Variants in TXNRD3 observed in about 807,000 individuals in gnomAD.
TXNRD3 encodes the protein TXNRD3 neighbor gene protein.
Under a neutral mutation model 78.2 loss-of-function variants are expected in TXNRD3, and 68 were observed. The ratio of observed to expected loss-of-function variants is 0.87; its 90% CI spans 0.72 to 1.06. TXNRD3 has a LOEUF of 1.06. Among genes scored for constraint, TXNRD3 ranks in the 50% least tolerant of loss-of-function variants. The probability of loss-of-function intolerance (pLI) is 0.00; values close to 1 mark genes in which losing one functional copy is unlikely to be tolerated. For synonymous variants in TXNRD3, 296 were observed against 300.1 expected, an observed-to-expected ratio of 0.99 and a Z score of 0.14; for missense variants, 751 against 809.5, an observed-to-expected ratio of 0.93 and a Z score of 0.88.
intron 6 of TXNRD3, 45 bp from the exon 7 acceptor site, chr3:126,634,096 T>C: frequency 7.1e-7 from 1 of 1,406,556 alleles, no homozygotes; most frequent in Non-Finnish European, 9.3e-7. Flanking sequence ...GAATTTTACC[T>C]TTAATGGTAA....
At chr3:126,610,952 A>G in intron 14 of TXNRD3, 85 bp downstream of exon 14, 2 of 944,220 alleles carry the variant, frequency 2.1e-6, no homozygotes, top group Non-Finnish European at 3.0e-6. Flanking sequence ...CGTCTCTAAA[A>G]AAAAAAATTA....
intron 7 of TXNRD3, 128 bp from the exon 8 acceptor site, chr3:126,632,007 A>G (rs1450318519): frequency 1.6e-6 from 1 of 639,032 alleles, no homozygotes; most frequent in Non-Finnish European, 2.8e-6. Context: ...AAAAGTAATA[A>G]TGCAATGTGA....
At chr3:126,653,682 G>A (rs1933441409) in intron 1 of TXNRD3, among the ~76,000 whole-genome samples, 1 of 152,232 alleles carries the variant, frequency 6.6e-6, no homozygotes, top group African/African-American at 2.4e-5. Context: ...TTATGACCCA[G>A]CAACTCAGCT....
intron 6 of TXNRD3, among the ~76,000 whole-genome samples, chr3:126,637,950 T>C (rs1411903003): frequency 7.8e-6 from 1 of 127,910 alleles, no homozygotes; most frequent in Non-Finnish European, 1.6e-5. Flanking sequence ...TTTTTTTTTT[T>C]TTTTTTTTTT....
Position 126,621,727 on chromosome 3 carries a change from C to A in TXNRD3, c.1524+15G>T. 1.3e-6 allele frequency: 2 copies of A among 1,482,276 alleles called. No homozygotes were observed. The highest frequency in any genetic ancestry group is 2.6e-5 in the Admixed American group (1 of 37,992). 91.8% of individuals were successfully genotyped at this position (1,482,276 alleles called of 1,614,324 possible). ...CTTGATCAGGACATTATCTCAAAAACAGTAAGAAACTTACCTTTTCTAAAG... is the reference window on the plus strand; with the variant it reads ...CTTGATCAGGACATTATCTCAAAAAAAGTAAGAAACTTACCTTTTCTAAAG... On this transcript the variant is annotated intron_variant, in intron 12 of 15. Coordinates refer to ENST00000524230, the MANE Select transcript of TXNRD3 (RefSeq NM_052883.3).
rs531585702 is a variant in TXNRD3, at chr3:126,651,888, A to T, written c.243+2860T>A. 2.6e-5 allele frequency among the ~76,000 whole-genome samples: 4 copies of T among 152,334 alleles called. No homozygotes were observed. In the East Asian group the frequency reaches 7.7e-4, roughly 29 times the overall value. On this transcript the variant is annotated intron_variant, in intron 1 of 15. Transcript: ENST00000524230. The stretch of plus-strand genomic sequence containing the variant: ...CTATTCAATTTTCAGGAGCTAAAAC[A>T]GGAGAATATCTTTATGATCTCTGAA...
chr3:126,654,583 A>T (rs1209960753), intron 1 of TXNRD3, among the ~76,000 whole-genome samples, 165 bp downstream of exon 1: 1 of 152,116 alleles, frequency 6.6e-6, no homozygotes, highest in Non-Finnish European at 1.5e-5. Flanking sequence ...AAACTATCAC[A>T]AGCCCACCTC....
At chr3:126,620,847 T>G (rs1381096587) in intron 12 of TXNRD3, among the ~76,000 whole-genome samples, 1 of 152,200 alleles carries the variant, frequency 6.6e-6, no homozygotes. Context: ...AAATGTTCTA[T>G]TGCATTGTGT....
In TXNRD3 at chr3:126,647,252, C is replaced by A; in HGVS notation, c.288G>T (p.Leu96Phe). 6.5e-7 allele frequency: 1 copy of A among 1,535,410 alleles called. No homozygotes were observed. Among genetic ancestry groups the A allele is most frequent in the South Asian group, 1.2e-5 (1 of 83,944 alleles). ...TCTACTTACCAACTTGATCAAGTTC[C>A]AAGACATTACATTCGACTCCCAAAG... The change falls in exon 2 of 16, where the codon TTG becomes TTT. Residue 96 changes from leucine (L) to phenylalanine (F), a missense_variant. Coordinates refer to ENST00000524230, the MANE Select transcript of TXNRD3 (RefSeq NM_052883.3).
intron 6 of TXNRD3, among the ~76,000 whole-genome samples, chr3:126,638,718 T>C (rs565170627): frequency 1.2e-4 from 19 of 152,158 alleles, no homozygotes; most frequent in Non-Finnish European, 2.2e-4. Flanking sequence ...TTGGGCAACA[T>C]AGTGAAACTC....
At chr3:126,621,934 C>T (rs111716575) in intron 11 of TXNRD3, 36 bp from the exon 12 acceptor site, 32 of 1,460,898 alleles carry the variant, frequency 2.2e-5, no homozygotes, top group Middle Eastern at 3.5e-4. Flanking sequence ...ATATATATTA[C>T]AACTCACTCT....
At chr3:126,648,376 T>G (rs1933291462) in intron 1 of TXNRD3, among the ~76,000 whole-genome samples, 1 of 152,196 alleles carries the variant, frequency 6.6e-6, no homozygotes, top group African/African-American at 2.4e-5. Flanking sequence ...AAATCCATCC[T>G]AAAATTCATA....
At chr3:126,640,703 T>C (rs1327317349) in intron 6 of TXNRD3, among the ~76,000 whole-genome samples, 10 of 152,158 alleles carry the variant, frequency 6.6e-5, no homozygotes, top group Admixed American at 5.9e-4. Context: ...CCACCATATC[T>C]GGTCAATTTT....
At chr3:126,639,535 G>C (rs1365488468) in intron 6 of TXNRD3, among the ~76,000 whole-genome samples, 1 of 152,100 alleles carries the variant, frequency 6.6e-6, no homozygotes. Context: ...CTGAAGTACA[G>C]TGTCCAAGTA....
chr3:126,640,968 C>T (rs1177238006), intron 6 of TXNRD3, among the ~76,000 whole-genome samples: 1 of 151,856 alleles, frequency 6.6e-6, no homozygotes, highest in Non-Finnish European at 1.5e-5. Context: ...ACAAAGACTA[C>T]AAAAACCACA....
At chr3:126,615,185 CT>C (rs1316952354) in intron 13 of TXNRD3, among the ~76,000 whole-genome samples, 169 bp downstream of exon 13, 1 of 152,162 alleles carries the variant, frequency 6.6e-6, no homozygotes, top group Non-Finnish European at 1.5e-5. Context: ...CTCTTCTTTG[CT>C]AGACAGACAG....
At chr3:126,615,230 G>A in intron 13 of TXNRD3, 125 bp downstream of exon 13, 1 of 477,520 alleles carries the variant, frequency 2.1e-6, no homozygotes, top group Non-Finnish European at 3.7e-6. Context: ...CCTAAAATAG[G>A]AATATGATTT....
rs367616961 is a variant in TXNRD3, at chr3:126,618,956, T to C, written c.1524+2786A>G. Among the ~76,000 whole-genome samples, 168 of 149,112 alleles carry C rather than the reference T, an allele frequency of 1.1e-3. 2 individuals carry two copies. Among genetic ancestry groups the C allele is most frequent in the African/African-American group, 3.8e-3 (154 of 40,424 alleles). On this transcript the variant is annotated intron_variant, in intron 12 of 15. Coordinates refer to ENST00000524230, the MANE Select transcript of TXNRD3 (RefSeq NM_052883.3). The stretch of plus-strand genomic sequence containing the variant: ...AAGACATACACATGGGCAACAAGTA[T>C]ATGAAAAAATGCTTAGTATCACTAA...
intron 10 of TXNRD3, 81 bp downstream of exon 10, chr3:126,629,298 G>C (rs897062616): frequency 2.1e-5 from 21 of 980,444 alleles, no homozygotes; most frequent in Non-Finnish European, 3.0e-5. Context: ...TGTTAATCCT[G>C]GTATAATTTT....
Sources: allele counts gnomAD v4.1 joint callset (sites outside exome capture counted in the v4.1 genomes callset), GRCh38; gene constraint gnomAD v4.1.1; transcripts MANE v1.5; gene names NCBI Gene and HGNC (gene_info 2026-07-23, HGNC 2026-07-21).